Variants in SP140L observed in about 807,000 individuals in gnomAD.
SP140L encodes the protein nuclear body protein SP140-like protein.
Under a neutral mutation model 84.3 loss-of-function variants are expected in SP140L, and 64 were observed. That is an observed-to-expected ratio of 0.76 (90% CI 0.62 to 0.94). The LOEUF (loss-of-function observed/expected upper bound fraction) is 0.94, where lower values mean the gene tolerates loss of function less well. Ranked by LOEUF, SP140L falls within the 40% of genes least tolerant of loss-of-function variation. The pLI, the probability that SP140L is intolerant of heterozygous loss-of-function variation, is 0.00. For missense variants in SP140L, 628 were observed against 692.5 expected, an observed-to-expected ratio of 0.91 and a Z score of 1.05; for synonymous variants, 242 against 236.9, an observed-to-expected ratio of 1.02 and a Z score of -0.20.
intron 8 of SP140L, 32 bp from the exon 9 acceptor site, chr2:230,385,192 C>T (rs2061533613): frequency 1.9e-6 from 3 of 1,609,480 alleles, no homozygotes; most frequent in Non-Finnish European, 1.7e-6. Context: ...CTGCCCAGTT[C>T]TATTAATACA....
chr2:230,400,829 G>C, intron 15 of SP140L, 126 bp from the exon 16 acceptor site: 1 of 1,581,944 alleles, frequency 6.3e-7, no homozygotes, highest in Non-Finnish European at 8.6e-7. Flanking sequence ...GATACTCTGG[G>C]AGGTGTTCCC....
intron 7 of SP140L, among the ~76,000 whole-genome samples, chr2:230,380,258 G>A (rs1379005409): frequency 1.3e-5 from 2 of 152,034 alleles, no homozygotes; most frequent in African/African-American, 4.8e-5. Flanking sequence ...ACAGTACAGG[G>A]GAAACTGCCC....
chr2:230,399,214 G>C (rs2062198287), intron 14 of SP140L, among the ~76,000 whole-genome samples: 1 of 152,204 alleles, frequency 6.6e-6, no homozygotes, highest in South Asian at 2.1e-4. Context: ...AATTCTGTTG[G>C]TTTTTAATGA....
intron 5 of SP140L, among the ~76,000 whole-genome samples, chr2:230,370,352 G>C (rs1409192427): frequency 6.6e-6 from 1 of 152,038 alleles, no homozygotes; most frequent in Non-Finnish European, 1.5e-5. Flanking sequence ...GTCACCCGAG[G>C]AATGTGTGTG....
Position 230,378,593 on chromosome 2 carries a change from A to T in SP140L, c.638-4917A>T, listed in dbSNP as rs139660407. Among the ~76,000 whole-genome samples the T allele has an allele frequency of 1.9e-4, 29 of 152,346 alleles. No homozygotes were observed. In the East Asian group the frequency reaches 5.4e-3, roughly 28 times the overall value. ...TTTCTCTGGAAATATCGATGTCTGC[A>T]GTCTTGGAGGTATTCTTTTAGTTGA... On this transcript the variant is annotated intron_variant, in intron 7 of 18. Transcript: ENST00000415673.
chr2:230,331,389 G>A (rs1193405720), intron 2 of SP140L, among the ~76,000 whole-genome samples: 1 of 152,100 alleles, frequency 6.6e-6, no homozygotes, highest in Non-Finnish European at 1.5e-5. Flanking sequence ...CATCTGCTGT[G>A]GATAAAAGGG....
rs926180660 is a variant in SP140L, at chr2:230,343,406, C to T, written c.108-14399C>T. Among the ~76,000 whole-genome samples, 4 of 147,862 alleles carry T rather than the reference C, an allele frequency of 2.7e-5. 1 individual carries two copies. The East Asian group carries it at 7.9e-4, about 29-fold the overall frequency. The stretch of plus-strand genomic sequence containing the variant: ...ATTCCATCCATGTCCCTGCAAAGGA[C>T]ATGATCTTGTTCCTATTTATGGGTG... On this transcript the variant is annotated intron_variant, in intron 2 of 18. Transcript: ENST00000415673.
chr2:230,341,365 G>T (rs1423824340), intron 2 of SP140L, among the ~76,000 whole-genome samples: 1 of 112,724 alleles, frequency 8.9e-6, no homozygotes, highest in African/African-American at 3.7e-5. Flanking sequence ...GCACTTCTCT[G>T]TATTGGTTAT....
intron 2 of SP140L, among the ~76,000 whole-genome samples, chr2:230,341,812 G>T: frequency 6.6e-6 from 1 of 152,130 alleles, no homozygotes; most frequent in East Asian, 1.9e-4. Flanking sequence ...TCGGGGGTCA[G>T]GGGTCAGGGA....
chr2:230,390,777 AT>A (rs1251428596), intron 11 of SP140L, among the ~76,000 whole-genome samples: 1 of 151,782 alleles, frequency 6.6e-6, no homozygotes, highest in African/African-American at 2.4e-5. Flanking sequence ...CCAATCAATG[AT>A]TTTTTTTGTA....
chr2:230,388,639 AAAG>A lies in SP140L; in HGVS notation c.859+9_859+11del. The A allele has an allele frequency of 6.2e-7, 1 of 1,602,402 alleles. No homozygotes were observed. The highest frequency in any genetic ancestry group is 8.5e-7 in the Non-Finnish European group (1 of 1,174,880). Reference sequence around the variant, plus strand: ...GAAAAGAGTCCGATCAAGAGGTAAAAAAGAAAAGAGGAATGCACTTTCAATAAC... The same window carrying A: ...GAAAAGAGTCCGATCAAGAGGTAAAAAAAAGAGGAATGCACTTTCAATAAC... On this transcript the variant is annotated splice_region_variant and intron_variant, in intron 10 of 18. Coordinates refer to ENST00000415673, the MANE Select transcript of SP140L (RefSeq NM_138402.6).
chr2:230,350,338 T>C (rs141081495), intron 2 of SP140L, among the ~76,000 whole-genome samples: 169 of 152,348 alleles, frequency 1.1e-3, no homozygotes, highest in Middle Eastern at 3.4e-3. Flanking sequence ...TACAATTAAA[T>C]AGCTATGTAA....
At chr2:230,351,616 C>T (rs992887699) in intron 2 of SP140L, among the ~76,000 whole-genome samples, 1 of 152,104 alleles carries the variant, frequency 6.6e-6, no homozygotes, top group Non-Finnish European at 1.5e-5. Flanking sequence ...TTTATTGACT[C>T]ATATATTCTG....
chr2:230,374,051 C>A (rs1032982090), intron 7 of SP140L, among the ~76,000 whole-genome samples: 2 of 152,112 alleles, frequency 1.3e-5, no homozygotes, highest in African/African-American at 4.8e-5. Flanking sequence ...TGCAGTGGTT[C>A]CCACCTGTAA....
chr2:230,361,815 C>A, intron 5 of SP140L, 118 bp downstream of exon 5: 2 of 740,898 alleles, frequency 2.7e-6, no homozygotes, highest in Non-Finnish European at 4.5e-6. Flanking sequence ...AGGGAAGGAC[C>A]ATGGAGAAGT....
At chr2:230,398,653 C>A (rs1394884142) in intron 14 of SP140L, among the ~76,000 whole-genome samples, 1 of 152,222 alleles carries the variant, frequency 6.6e-6, no homozygotes, top group Non-Finnish European at 1.5e-5. Context: ...ACTGGGGAAC[C>A]TGAAAATCCA....
chr2:230,331,318 A>G (rs996006916), intron 2 of SP140L, among the ~76,000 whole-genome samples: 1 of 152,202 alleles, frequency 6.6e-6, no homozygotes, highest in Admixed American at 6.5e-5. Flanking sequence ...GGGGGAAAAC[A>G]TAGTATATAC....
At chr2:230,389,829 A>ATCC in intron 10 of SP140L, 90 bp from the exon 11 acceptor site, 1 of 1,233,212 alleles carries the variant, frequency 8.1e-7, no homozygotes, top group South Asian at 1.3e-5. Context: ...TTTCCTAAGT[A>ATCC]CTCTTTGTGC....
chr2:230,376,692 T>C (rs939621517), intron 7 of SP140L, among the ~76,000 whole-genome samples: 1 of 152,116 alleles, frequency 6.6e-6, no homozygotes, highest in Non-Finnish European at 1.5e-5. Context: ...AAAATTTCAA[T>C]GACATTTTTC....
Sources: gnomAD v4.1 joint callset for allele counts (sites outside exome capture counted in the v4.1 genomes callset) on GRCh38, gnomAD v4.1.1 for gene constraint, MANE v1.5 for transcripts, NCBI Gene and HGNC (gene_info 2026-07-23, HGNC 2026-07-21) for gene names.